INSL6: variants seen among roughly 807,000 people sequenced by gnomAD.
INSL6 encodes the protein insulin-like peptide INSL6.
Under a neutral mutation model 9.4 loss-of-function variants are expected in INSL6, and 16 were observed. The observed-to-expected ratio is 1.70, with a 90% CI of 1.15 to 2.59. The LOEUF is 2.59. Ranked by LOEUF, INSL6 falls within the 30% of genes most tolerant of loss-of-function variation. INSL6 has a pLI of 0.00. For synonymous variants in INSL6, 154 were observed against 96.9 expected (o/e 1.59, Z -3.46); for missense variants, 391 against 257.3 (o/e 1.52, Z -3.56).
At chr9:5,160,985 T>G (rs1212731427), downstream of INSL6, among the ~76,000 whole-genome samples, 3 of 152,132 alleles carry the variant, frequency 2.0e-5, no homozygotes, top group African/African-American at 7.2e-5. Flanking sequence ...GGACCGATAG[T>G]TTCACTGCTG....
the INSL6 span, among the ~76,000 whole-genome samples, chr9:5,014,971 T>C: frequency 3.3e-5 from 5 of 152,156 alleles, no homozygotes; most frequent in African/African-American, 9.7e-5. Flanking sequence ...CACATGTATA[T>C]GCCTAAACAA....
chr9:5,126,061 A>C (rs1823974036), intron 3 of INSL6: 1 of 257,834 alleles, frequency 3.9e-6, no homozygotes, highest in African/African-American at 2.2e-5. Context: ...ACAACAAAAA[A>C]CTCAAAGGAA....
intron 1 of INSL6, among the ~76,000 whole-genome samples, chr9:5,175,074 G>T (rs62541957): frequency 6.6e-6 from 1 of 151,684 alleles, no homozygotes; most frequent in Non-Finnish European, 1.5e-5. Flanking sequence ...CGAGTAGCTG[G>T]GACTACAGGT....
the INSL6 span, among the ~76,000 whole-genome samples, chr9:5,045,167 G>A: frequency 2.0e-5 from 3 of 152,098 alleles, no homozygotes; most frequent in Non-Finnish European, 2.9e-5. Flanking sequence ...TAGACTAGTA[G>A]GAATAGAAAT....
At chr9:5,005,392 T>C in the INSL6 span, among the ~76,000 whole-genome samples, 1 of 152,164 alleles carries the variant, frequency 6.6e-6, no homozygotes, top group African/African-American at 2.4e-5. Flanking sequence ...TGAAAATATT[T>C]TCTCCTGTTT....
the INSL6 span, chr9:5,090,553 A>G: frequency 6.3e-7 from 1 of 1,583,376 alleles, no homozygotes; most frequent in Non-Finnish European, 8.6e-7. Flanking sequence ...TCTGCAGTAC[A>G]CATCTCAGAT....
chr9:5,067,947 A>G, the INSL6 span, among the ~76,000 whole-genome samples: 1 of 152,122 alleles, frequency 6.6e-6, no homozygotes, highest in African/African-American at 2.4e-5. Context: ...AGGTCAAGAG[A>G]TTGAGACCAT....
intron 1 of INSL6, among the ~76,000 whole-genome samples, chr9:5,170,446 AC>A (rs1156960466): frequency 6.6e-6 from 1 of 152,114 alleles, no homozygotes; most frequent in Non-Finnish European, 1.5e-5. Flanking sequence ...GAAGTAGAGA[AC>A]CAAGAGCAAA....
chr9:5,109,274 T>A, the INSL6 span: 1 of 152,160 alleles, frequency 6.6e-6, no homozygotes, highest in Non-Finnish European at 1.5e-5. Flanking sequence ...ATCCTAAAAT[T>A]ATTATGGGCT....
At chr9:5,032,093 T>A in the INSL6 span, among the ~76,000 whole-genome samples, 1 of 151,884 alleles carries the variant, frequency 6.6e-6, no homozygotes, top group African/African-American at 2.4e-5. Context: ...TATTAGCAAA[T>A]GGCACATATC....
chr9:5,119,563 AAAT>A (rs1823459645), downstream of INSL6, among the ~76,000 whole-genome samples: 2 of 152,340 alleles, frequency 1.3e-5, no homozygotes, highest in African/African-American at 2.4e-5. Context: ...CATATTATGA[AAAT>A]AAGATAATTT....
chr9:5,121,524 T>C (rs1169161627), downstream of INSL6, among the ~76,000 whole-genome samples: 1 of 152,146 alleles, frequency 6.6e-6, no homozygotes, highest in African/African-American at 2.4e-5. Flanking sequence ...AAGTTAGGCT[T>C]CTACTCCCAC....
chr9:5,176,924 T>C (rs1474858331), intron 1 of INSL6, among the ~76,000 whole-genome samples: 2 of 152,066 alleles, frequency 1.3e-5, no homozygotes, highest in African/African-American at 2.4e-5. Context: ...GTATTTACAA[T>C]AGCTAAAGAA....
At chr9:5,120,407 T>C (rs976404353), downstream of INSL6, among the ~76,000 whole-genome samples, 1 of 152,232 alleles carries the variant, frequency 6.6e-6, no homozygotes, top group African/African-American at 2.4e-5. Context: ...ATTCACAGGA[T>C]TTTGCCCATG....
chr9:5,052,466 CATG>C, the INSL6 span, among the ~76,000 whole-genome samples: 3 of 151,386 alleles, frequency 2.0e-5, no homozygotes, highest in Non-Finnish European at 4.4e-5. Flanking sequence ...TATAAGATTC[CATG>C]ATATTTTAAA....
At chr9:5,034,691 G>A in the INSL6 span, among the ~76,000 whole-genome samples, 11 of 151,876 alleles carry the variant, frequency 7.2e-5, no homozygotes, top group Admixed American at 2.0e-4. Context: ...TGAAACCAAC[G>A]AGAACAAAGA....
the INSL6 span, among the ~76,000 whole-genome samples, chr9:5,039,723 A>G: frequency 6.6e-6 from 1 of 152,296 alleles, no homozygotes; most frequent in South Asian, 2.1e-4. Context: ...AATTAAAAAA[A>G]TTTCATTAAC....
chr9:5,083,667 A>G, the INSL6 span, among the ~76,000 whole-genome samples: 1 of 152,192 alleles, frequency 6.6e-6, no homozygotes, highest in African/African-American at 2.4e-5. Flanking sequence ...TTGTCAAAAC[A>G]ATGGAATATA....
At chr9:5,079,498 G>GA in the INSL6 span, among the ~76,000 whole-genome samples, 3 of 145,918 alleles carry the variant, frequency 2.1e-5, no homozygotes, top group East Asian at 4.0e-4. Context: ...TGGTCCTTGG[G>GA]TTTTTTTTTT....
Sources: gnomAD v4.1 joint callset for allele counts (sites outside exome capture counted in the v4.1 genomes callset) on GRCh38, gnomAD v4.1.1 for gene constraint, MANE v1.5 for transcripts, NCBI Gene and HGNC (gene_info 2026-07-23, HGNC 2026-07-21) for gene names.